The following UGP2 variants were observed in gnomAD, a reference collection of about 807,000 sequenced individuals.
UGP2 encodes UTP--glucose-1-phosphate uridylyltransferase.
UGP2 carries 40 observed loss-of-function variants against 49.0 expected under a neutral mutation model. That is an observed-to-expected ratio of 0.82 (90% CI 0.63 to 1.06). The LOEUF is 1.06. UGP2 is among the 50% of genes least tolerant of loss of function. UGP2 has a pLI of 0.00. For synonymous variants in UGP2, 225 were observed against 213.0 expected (o/e 1.06, Z -0.49); for missense variants, 460 against 603.5 (o/e 0.76, Z 2.49).
At chr2:63,846,031 C>G (rs1253555903) in intron 1 of UGP2, 1 of 152,202 alleles carries the variant, frequency 6.6e-6, no homozygotes, top group African/African-American at 2.4e-5. Context: ...CATTCCTTCT[C>G]TTAGGAAGAC....
At chr2:63,855,280 T>A in intron 1 of UGP2, 1 of 338,162 alleles carries the variant, frequency 3.0e-6, no homozygotes, top group South Asian at 2.4e-5. Context: ...TTCTGCTAAA[T>A]TAACAGGCAT....
rs1671623511 is a variant in UGP2 at position 63,885,636 on chromosome 2, T to C, written c.623T>C (p.Val208Ala). The change falls in exon 6 of 10, where the codon GTG becomes GCG. Residue 208 changes from valine (V) to alanine (A), a missense_variant. Val to Ala is a moderately conservative substitution (Grantham distance 64). Coordinates refer to ENST00000337130, the MANE Select transcript of UGP2 (RefSeq NM_006759.4). ...TCTTTACTTCCTGTAGCAAAGGACG[T>C]GTCTTACTCAGGGGAAAATACAGAA... ...KESLLPVAKD[V>A]SYSGENTEAW... 6.3e-7 allele frequency: 1 copy of C among 1,597,772 alleles called. No individual in the cohort carries two copies. The highest frequency in any genetic ancestry group is 1.4e-5 in the African/African-American group (1 of 73,568).
intron 3 of UGP2, among the ~76,000 whole-genome samples, chr2:63,875,611 G>A (rs962730783): frequency 6.6e-6 from 1 of 152,212 alleles, no homozygotes; most frequent in Non-Finnish European, 1.5e-5. Context: ...AGGGCTGAAT[G>A]TTGTTTAGAG....
chr2:63,863,383 T>C (rs774939301), intron 3 of UGP2, among the ~76,000 whole-genome samples: 1 of 152,216 alleles, frequency 6.6e-6, no homozygotes, highest in Non-Finnish European at 1.5e-5. Flanking sequence ...AATTCTTTTA[T>C]TGTCATCTCT....
intron 1 of UGP2, among the ~76,000 whole-genome samples, chr2:63,847,537 C>A (rs899358041): frequency 6.6e-6 from 1 of 152,134 alleles, no homozygotes. Context: ...CACCTGGGTG[C>A]AGGTGGGCTG....
intron 2 of UGP2, chr2:63,856,649 G>A (rs1669455265): frequency 3.5e-6 from 2 of 565,368 alleles, no homozygotes; most frequent in South Asian, 1.8e-5. Context: ...AGCCTAGGAA[G>A]TTTTCAAAGT....
intron 3 of UGP2, among the ~76,000 whole-genome samples, chr2:63,860,880 T>G (rs926428453): frequency 4.6e-5 from 7 of 151,668 alleles, no homozygotes; most frequent in Non-Finnish European, 8.8e-5. Context: ...TAAAAATAGT[T>G]TTTCATAAAT....
At chr2:63,879,514 C>T (rs1166277909) in intron 3 of UGP2, among the ~76,000 whole-genome samples, 1 of 152,056 alleles carries the variant, frequency 6.6e-6, no homozygotes, top group African/African-American at 2.4e-5. Context: ...TGTTTAAGTT[C>T]CTGATATTGT....
At chr2:63,887,289 T>G in intron 7 of UGP2, 113 bp from the exon 8 acceptor site, 1 of 1,479,810 alleles carries the variant, frequency 6.8e-7, no homozygotes, top group Non-Finnish European at 9.1e-7. Flanking sequence ...ATTTTTTTTT[T>G]TCCATCAATG....
chr2:63,891,327 A>G lies in UGP2; in HGVS notation c.*100A>G, dbSNP rs2104379243. The G allele has an allele frequency of 1.1e-6, 1 of 919,838 alleles. No individual in the cohort carries two copies. Among genetic ancestry groups the G allele is most frequent in the South Asian group, 1.9e-5 (1 of 53,550 alleles). 57.0% of individuals were successfully genotyped at this position (919,838 alleles called of 1,614,324 possible). A position where few individuals can be genotyped will look rare whatever the true frequency, so the allele number is the denominator to read the frequency against. On this transcript the variant is annotated 3_prime_UTR_variant, in exon 10 of 10. Coordinates refer to ENST00000337130, the MANE Select transcript of UGP2 (RefSeq NM_006759.4). ...GGCAGGTACTTTACTATGTTACTGTACCCTGCAGTGTTGATTTTTAAAATA... is the reference window on the plus strand; with the variant it reads ...GGCAGGTACTTTACTATGTTACTGTGCCCTGCAGTGTTGATTTTTAAAATA...
intron 2 of UGP2, 122 bp downstream of exon 2, chr2:63,856,555 C>T: frequency 9.0e-7 from 1 of 1,117,166 alleles, no homozygotes; most frequent in Non-Finnish European, 1.3e-6. Flanking sequence ...ACGATAACAT[C>T]AAAAACAAAA....
intron 1 of UGP2, among the ~76,000 whole-genome samples, chr2:63,844,589 G>A (rs1316949404): frequency 2.0e-5 from 3 of 152,108 alleles, no homozygotes; most frequent in East Asian, 1.9e-4. Flanking sequence ...TTGAGGCAGG[G>A]TCTCACTTTG....
chr2:63,888,035 CGGA>C (rs1671808655), intron 8 of UGP2: 1 of 164,640 alleles, frequency 6.1e-6, no homozygotes, highest in Admixed American at 5.8e-5. Flanking sequence ...TTTGTCTTCA[CGGA>C]ATTGACATTC....
intron 1 of UGP2, among the ~76,000 whole-genome samples, chr2:63,843,474 G>A (rs914499875): frequency 6.6e-6 from 1 of 152,212 alleles, no homozygotes; most frequent in African/African-American, 2.4e-5. Context: ...TATTTTGCAA[G>A]AATATGCTAG....
chr2:63,862,775 C>A (rs1575821416), intron 3 of UGP2: 2 of 454,350 alleles, frequency 4.4e-6, no homozygotes, highest in African/African-American at 2.0e-5. Context: ...CCAATTTCCA[C>A]CCCACAGAGA....
rs778895189 is a variant in UGP2, at chr2:63,884,022, T to C, written c.504T>C (p.Asp168=). 5.0e-6 allele frequency: 8 copies of C among 1,613,376 alleles called. No individual in the cohort carries two copies. In the East Asian group the frequency reaches 1.8e-4, roughly 36 times the overall value. ...TTTTAATGAACTCTTTTAACACGGA[T>C]GAAGATACCAAAAAAATACTACAGA... is the stretch of plus-strand genomic sequence containing the variant. The part of the protein sequence containing the change: ...PLVLMNSFNT[D]EDTKKILQKY... The change falls in exon 5 of 10, where the codon GAT becomes GAC. Residue 168 remains aspartate (D), a synonymous_variant. Transcript: ENST00000337130.
Position 63,890,067 on chromosome 2 carries a change from T to C in UGP2, c.1315-14T>C. 1 of 1,580,222 alleles carries C rather than the reference T, an allele frequency of 6.3e-7. No homozygotes were observed. The highest frequency in any genetic ancestry group is 8.6e-7 in the Non-Finnish European group (1 of 1,161,300). ...CATTTGAGACAAATTTTTATGTTTC[T>C]CCTTTTCTGTAAGGTTCAAGATTAT... On this transcript the variant is annotated splice_polypyrimidine_tract_variant and intron_variant, in intron 8 of 9. Coordinates refer to ENST00000337130, the MANE Select transcript of UGP2 (RefSeq NM_006759.4).
chr2:63,862,281 G>GA (rs1669901147), intron 3 of UGP2, among the ~76,000 whole-genome samples: 1 of 152,084 alleles, frequency 6.6e-6, no homozygotes, highest in South Asian at 2.1e-4. Context: ...GAATACCAAA[G>GA]AGTCTCATCA....
intron 3 of UGP2, among the ~76,000 whole-genome samples, chr2:63,870,166 C>T (rs1670456650): frequency 6.6e-6 from 1 of 152,176 alleles, no homozygotes; most frequent in Non-Finnish European, 1.5e-5. Context: ...TTGTGATTCA[C>T]CTGACTCTGT....
Sources: allele counts gnomAD v4.1 joint callset (sites outside exome capture counted in the v4.1 genomes callset), GRCh38; gene constraint gnomAD v4.1.1; transcripts MANE v1.5; gene names NCBI Gene and HGNC (gene_info 2026-07-23, HGNC 2026-07-21).